The following LRP2 variants were observed in gnomAD, a reference collection of about 807,000 sequenced individuals.
LRP2 encodes LDL receptor related protein 2.
LRP2 carries 172 observed loss-of-function variants against 531.0 expected under a neutral mutation model. That is an observed-to-expected ratio of 0.32 (90% CI 0.29 to 0.37). The LOEUF (loss-of-function observed/expected upper bound fraction) is 0.37, where lower values mean the gene tolerates loss of function less well. Among genes scored for constraint, LRP2 ranks in the 10% least tolerant of loss-of-function variants. The pLI, the probability that LRP2 is intolerant of heterozygous loss-of-function variation, is 1.00. For missense variants in LRP2, 5,167 were observed against 5,868.3 expected (o/e 0.88, Z 3.90); for synonymous variants, 1,992 against 2,027.6 (o/e 0.98, Z 0.47).
At chr2:169,232,084 A>T (rs1689427366) in intron 30 of LRP2, among the ~76,000 whole-genome samples, 1 of 152,224 alleles carries the variant, frequency 6.6e-6, no homozygotes, top group Non-Finnish European at 1.5e-5. Context: ...ACTCAAGGTT[A>T]CAGATCAATC....
intron 1 of LRP2, among the ~76,000 whole-genome samples, chr2:169,326,295 C>T (rs1250539142): frequency 1.3e-5 from 2 of 150,758 alleles, no homozygotes; most frequent in East Asian, 3.9e-4. Context: ...GCTGCCATCT[C>T]GGCTCACTGC....
At chr2:169,241,722 C>A (rs963530856) in intron 24 of LRP2, among the ~76,000 whole-genome samples, 5 of 152,144 alleles carry the variant, frequency 3.3e-5, no homozygotes, top group African/African-American at 1.2e-4. Context: ...GAAAGAATCA[C>A]CAGAACATTA....
At position 169,209,561 on chromosome 2, in the gene LRP2, C is replaced by A. The variant is rs1304421662; in HGVS notation, c.6361G>T (p.Asp2121Tyr). Residue 2121 changes from aspartate to tyrosine, a missense_variant, in exon 38 of 79, where the codon GAT becomes TAT. Asp to Tyr is a radical substitution (Grantham distance 160). Transcript: ENST00000649046. ...GGTTTAATTCTACGGATCGCATTAT[C>A]AGATGCCACTGAGCTGCTAAAATCA... ...WCDFSSSVAS[D>Y]NAIRRIKPDG... is the part of the protein sequence containing the mutation. 1 of 1,614,136 alleles carries A rather than the reference C, an allele frequency of 6.2e-7. No homozygotes were observed.
Position 169,187,977 on chromosome 2 carries a change from T to C in LRP2, c.9321A>G (p.Lys3107=), listed in dbSNP as rs1687690752. ...ATCCTCTGTTGTACTCACCACAGCC[T>C]TTCTCATCGCTGTTGTCCAAACAGT... ...LDDCLDNSDE[K]GCGINECHDP... The change falls in exon 49 of 79, where the codon AAA becomes AAG. Residue 3107 remains lysine, a synonymous_variant. Coordinates refer to ENST00000649046, the MANE Select transcript of LRP2 (RefSeq NM_004525.3). 2 of 1,614,126 alleles carry C rather than the reference T, an allele frequency of 1.2e-6. No individual in the cohort carries two copies. The highest frequency in any genetic ancestry group is 2.7e-5 in the African/African-American group (2 of 75,034).
intron 1 of LRP2, among the ~76,000 whole-genome samples, chr2:169,338,356 G>GA (rs1187388914): frequency 0.011 from 1,091 of 100,890 alleles, 16 homozygotes; most frequent in Non-Finnish European, 0.015. Flanking sequence ...AGGAAAGAAA[G>GA]AAGGAAAGAA....
rs374590042 is a variant in LRP2, at chr2:169,182,171, A to G, written c.9994T>C (p.Tyr3332His). 1.2e-6 allele frequency: 2 copies of G among 1,614,090 alleles called. No homozygotes were observed. The highest frequency in any genetic ancestry group is 1.7e-6 in the Non-Finnish European group (2 of 1,179,976). Residue 3332 changes from tyrosine to histidine, a missense_variant, in exon 51 of 79, where the codon TAT becomes CAT. This residue lies in a region of LRP2 where 1,129 missense variants were observed against 1,362.7 expected (regional missense o/e 0.83). Coordinates refer to ENST00000649046, the MANE Select transcript of LRP2 (RefSeq NM_004525.3). The part of the protein sequence containing the change: ...NPRGLALHPQ[Y>H]GYLYWADWGH... Reference sequence around the variant, plus strand: ...AGGATTGCAGGGAGACAATACCCATATTGAGGGTGAAGGGCAAGTCCTCTG... The same window carrying G: ...AGGATTGCAGGGAGACAATACCCATGTTGAGGGTGAAGGGCAAGTCCTCTG...
intron 6 of LRP2, among the ~76,000 whole-genome samples, chr2:169,293,669 C>A (rs1432881708): frequency 8.6e-6 from 1 of 116,320 alleles, no homozygotes; most frequent in Non-Finnish European, 1.8e-5. Context: ...AGCAAAACTC[C>A]ATCTCCAAAA....
intron 76 of LRP2, among the ~76,000 whole-genome samples, chr2:169,136,947 A>G (rs1685536752): frequency 6.6e-6 from 1 of 152,208 alleles, no homozygotes; most frequent in Non-Finnish European, 1.5e-5. Context: ...ATCCACCTCA[A>G]ACCACATGCT....
Position 169,170,555 on chromosome 2 carries a change from G to A in LRP2, c.11376C>T (p.Asp3792=). Residue 3792 remains aspartate (D), a synonymous_variant, in exon 59 of 79, where the codon GAC becomes GAT. Transcript: ENST00000649046. ...NDCGDNSDER[D]CEMRTCHPEY... ...AGCTTCTCAAATGACAGTTACCACA[G>A]TCCCGTTCATCTGAGTTGTCCCCAC... 7 of 1,612,256 alleles carry A rather than the reference G, an allele frequency of 4.3e-6. No homozygotes were observed. The highest frequency in any genetic ancestry group is 5.9e-6 in the Non-Finnish European group (7 of 1,178,296).
At chr2:169,266,688 A>C (rs778161051) in intron 16 of LRP2, among the ~76,000 whole-genome samples, 5 of 152,004 alleles carry the variant, frequency 3.3e-5, no homozygotes, top group African/African-American at 4.8e-5. Context: ...TACAAATTTT[A>C]TTACTATTAC....
At position 169,177,800 on chromosome 2, in the gene LRP2, C is replaced by G. The variant is rs767756977; in HGVS notation, c.10393+3G>C. 1 of 1,613,804 alleles carries G rather than the reference C, an allele frequency of 6.2e-7. No homozygotes were observed. Among genetic ancestry groups the G allele is most frequent in the Non-Finnish European group, 8.5e-7 (1 of 1,179,766 alleles). On this transcript the variant is annotated splice_donor_region_variant and intron_variant, in intron 53 of 78. Transcript: ENST00000649046. ...TTGCCAAACCCCTCAATCACCTACT[C>G]ACCAATGGGCTGCCTATATGGATGG...
At chr2:169,184,776 T>G (rs1254805901) in intron 50 of LRP2, among the ~76,000 whole-genome samples, 16 of 151,414 alleles carry the variant, frequency 1.1e-4, no homozygotes, top group Non-Finnish European at 1.5e-4. Flanking sequence ...TGTTTTGTTT[T>G]TTTTGAGAAA....
chr2:169,237,270 G>A lies in LRP2; in HGVS notation c.4524C>T (p.Ile1508=), dbSNP rs376111498. The change falls in exon 28 of 79, where the codon ATC becomes ATT. Residue 1508 remains isoleucine, a synonymous_variant. Transcript: ENST00000649046. The part of the protein sequence containing the change: ...TDRRVVFDSS[I]ILTETIAIDW... ...CTATTGCAATAGTTTCAGTCAAGATGATGCTACTGTCAAATACCTAAAGAC... is the reference window on the plus strand; with the variant it reads ...CTATTGCAATAGTTTCAGTCAAGATAATGCTACTGTCAAATACCTAAAGAC... 8.7e-6 allele frequency: 14 copies of A among 1,613,020 alleles called. No individual in the cohort carries two copies. The African/African-American group carries it at 1.2e-4, about 14-fold the overall frequency.
chr2:169,243,567 A>G (rs1410750109), intron 22 of LRP2, 45 bp from the exon 23 acceptor site: 1 of 1,612,816 alleles, frequency 6.2e-7, no homozygotes, highest in South Asian at 1.1e-5. Flanking sequence ...TTTCCTGTGC[A>G]ACAAGTACCA....
intron 1 of LRP2, among the ~76,000 whole-genome samples, chr2:169,351,235 A>T (rs1215278265): frequency 6.6e-6 from 1 of 152,244 alleles, no homozygotes; most frequent in African/African-American, 2.4e-5. Flanking sequence ...GACCAAAAAA[A>T]TATCTATCAA....
In LRP2 at chr2:169,154,464, G is replaced by T. The variant is rs752745500; in HGVS notation, c.12291C>A (p.Gly4097=). The change falls in exon 66 of 79, where the codon GGC becomes GGA. Residue 4097 remains glycine (G), a synonymous_variant. Coordinates refer to ENST00000649046, the MANE Select transcript of LRP2 (RefSeq NM_004525.3). The part of the protein sequence containing the change: ...VDYDWDPKDI[G]LSVVYYTVRG... The stretch of plus-strand genomic sequence containing the variant: ...GATGCCAAAGTTTATACTCACTGAG[G>T]CCTATGTCCTTGGGATCCCAATCAT... The T allele has an allele frequency of 6.2e-7, 1 of 1,611,758 alleles. No individual in the cohort carries two copies. The highest frequency in any genetic ancestry group is 1.1e-5 in the South Asian group (1 of 91,028).
chr2:169,290,957 T>C lies in LRP2; in HGVS notation c.810A>G (p.Glu270=). 1 of 1,614,134 alleles carries C rather than the reference T, an allele frequency of 6.2e-7. No individual in the cohort carries two copies. Among genetic ancestry groups the C allele is most frequent in the East Asian group, 2.2e-5 (1 of 44,874 alleles). Residue 270 remains glutamate, a synonymous_variant, in exon 8 of 79, where the codon GAA becomes GAG. Transcript: ENST00000649046. ...ATCGTCCCGACTCTGGGCAAGACCA[T>C]TCTCTTGGGGAACATTTATGAACAT... ...PHDVHKCSPR[E]WSCPESGRCI...
In LRP2 at chr2:169,235,243, ATTT is replaced by A. The variant is rs34253860; in HGVS notation, c.4920+594_4920+596del. Among the ~76,000 whole-genome samples, 1,116 of 146,010 alleles carry A rather than the reference ATTT, an allele frequency of 7.6e-3. 7 individuals carry two copies. Among genetic ancestry groups the A allele is most frequent in the African/African-American group, 0.025 (1,017 of 40,162 alleles). ...AGTTATAAATTTTTGCTTGAAAAAAATTTTTTTTTTTTTTGAGATGGAGTCTCA... is the reference window on the plus strand; with the variant it reads ...AGTTATAAATTTTTGCTTGAAAAAAATTTTTTTTTTTGAGATGGAGTCTCA... On this transcript the variant is annotated intron_variant, in intron 29 of 78. Coordinates refer to ENST00000649046, the MANE Select transcript of LRP2 (RefSeq NM_004525.3).
intron 9 of LRP2, among the ~76,000 whole-genome samples, chr2:169,285,841 C>T (rs1234558523): frequency 6.6e-6 from 1 of 152,152 alleles, no homozygotes; most frequent in Non-Finnish European, 1.5e-5. Context: ...CACAAGATTT[C>T]GTGTCAGGAT....
Sources: allele counts gnomAD v4.1 joint callset (sites outside exome capture counted in the v4.1 genomes callset), GRCh38; gene constraint gnomAD v4.1.1; regional missense constraint gnomAD v4.1.1; transcripts MANE v1.5; gene names NCBI Gene and HGNC (gene_info 2026-07-23, HGNC 2026-07-21).